PACRG: variants seen among roughly 807,000 people sequenced by gnomAD.
PACRG encodes the protein parkin coregulated, also known as parkin coregulated gene protein.
PACRG carries 29 observed loss-of-function variants against 29.7 expected under a neutral mutation model. That is an observed-to-expected ratio of 0.98 (90% CI 0.73 to 1.33). The LOEUF (loss-of-function observed/expected upper bound fraction) is 1.33. PACRG is among the 40% of genes most tolerant of loss of function. PACRG has a pLI of 0.00. For missense variants in PACRG, 279 were observed against 316.2 expected, an observed-to-expected ratio of 0.88 and a Z score of 0.89; for synonymous variants, 116 against 118.7, an observed-to-expected ratio of 0.98 and a Z score of 0.15.
At chr6:163,299,336 G>A (rs1163318983) in intron 4 of PACRG, among the ~76,000 whole-genome samples, 4 of 152,324 alleles carry the variant, frequency 2.6e-5, no homozygotes, top group Admixed American at 2.0e-4. Flanking sequence ...TCACCAAGGC[G>A]AATGCTCCAG....
Position 162,789,489 on chromosome 6 carries a change from T to C in PACRG, c.157-24658T>C, listed in dbSNP as rs1213986953. Among the ~76,000 whole-genome samples the C allele has an allele frequency of 2.6e-5, 4 of 152,270 alleles. No homozygotes were observed. In the East Asian group the frequency reaches 7.7e-4, roughly 29 times the overall value. On this transcript the variant is annotated intron_variant, in intron 1 of 4. Coordinates refer to ENST00000366888, the MANE Select transcript of PACRG (RefSeq NM_001080379.2). ...AGGCAAAAATCAAAGAAGGTTACTA[T>C]AAAAATCCACAATCATGTTAACTTT...
intron 4 of PACRG, among the ~76,000 whole-genome samples, chr6:163,219,756 C>T (rs972565704): frequency 6.6e-6 from 1 of 152,044 alleles, no homozygotes; most frequent in Non-Finnish European, 1.5e-5. Flanking sequence ...CTGCCTCCCT[C>T]CCTCCTACCA....
chr6:163,285,812 G>A (rs1030849363), intron 4 of PACRG, among the ~76,000 whole-genome samples: 2 of 152,174 alleles, frequency 1.3e-5, no homozygotes, highest in Admixed American at 1.3e-4. Flanking sequence ...ACAGCATCTA[G>A]CAAAGAACAT....
chr6:162,899,138 C>A (rs1454088043), intron 2 of PACRG, among the ~76,000 whole-genome samples: 1 of 152,166 alleles, frequency 6.6e-6, no homozygotes, highest in African/African-American at 2.4e-5. Context: ...CTAGATACTT[C>A]TTTTTGTGTG....
chr6:163,273,955 T>C (rs1783935738), intron 4 of PACRG, among the ~76,000 whole-genome samples: 1 of 152,224 alleles, frequency 6.6e-6, no homozygotes, highest in South Asian at 2.1e-4. Context: ...AATGCATTTT[T>C]CTCTGAGCAT....
At chr6:163,061,083 G>A (rs986422089) in intron 2 of PACRG, among the ~76,000 whole-genome samples, 2 of 151,936 alleles carry the variant, frequency 1.3e-5, no homozygotes, top group African/African-American at 4.8e-5. Context: ...GGTCTTGATG[G>A]GCTCCTCACT....
At chr6:163,169,121 A>G (rs1220575280) in intron 4 of PACRG, among the ~76,000 whole-genome samples, 1 of 152,240 alleles carries the variant, frequency 6.6e-6, no homozygotes, top group Non-Finnish European at 1.5e-5. Context: ...AGCAAATATC[A>G]TGAAAAGCTC....
At chr6:162,898,456 A>G (rs1795324717) in intron 2 of PACRG, among the ~76,000 whole-genome samples, 2 of 152,218 alleles carry the variant, frequency 1.3e-5, no homozygotes, top group African/African-American at 2.4e-5. Flanking sequence ...ATATTTTAGT[A>G]AAGGAAAAAT....
chr6:162,770,630 T>G (rs1257345558), intron 1 of PACRG, among the ~76,000 whole-genome samples: 1 of 152,290 alleles, frequency 6.6e-6, no homozygotes, highest in Admixed American at 6.5e-5. Context: ...TGTTTGATTA[T>G]TGTTATATAC....
chr6:163,135,539 A>G (rs540043003), intron 4 of PACRG, among the ~76,000 whole-genome samples: 28 of 152,274 alleles, frequency 1.8e-4, no homozygotes, highest in Admixed American at 2.0e-4. Flanking sequence ...ATATACCCCA[A>G]TTTATCCATT....
At chr6:162,796,809 C>T (rs1785419822) in intron 1 of PACRG, among the ~76,000 whole-genome samples, 1 of 151,992 alleles carries the variant, frequency 6.6e-6, no homozygotes, top group Admixed American at 6.5e-5. Flanking sequence ...TCTGTACTAT[C>T]ATCCTGAAGC....
chr6:163,062,054 G>T, intron 2 of PACRG, 96 bp from the exon 3 acceptor site: 1 of 1,230,014 alleles, frequency 8.1e-7, no homozygotes, highest in Non-Finnish European at 1.2e-6. Context: ...TCTAAAGAGC[G>T]TGCCCCTCTG....
intron 2 of PACRG, among the ~76,000 whole-genome samples, chr6:162,830,514 T>C (rs1788669513): frequency 1.3e-5 from 2 of 152,204 alleles, no homozygotes; most frequent in Admixed American, 6.5e-5. Context: ...TTGGCACCCA[T>C]TCTCATCCCC....
intron 4 of PACRG, among the ~76,000 whole-genome samples, chr6:163,263,732 C>T (rs1265246220): frequency 1.3e-5 from 2 of 152,090 alleles, no homozygotes; most frequent in Non-Finnish European, 2.9e-5. Context: ...GTTATTAGTA[C>T]ATTATGAATG....
intron 4 of PACRG, among the ~76,000 whole-genome samples, chr6:163,109,982 A>G (rs912640927): frequency 2.6e-5 from 4 of 152,228 alleles, no homozygotes; most frequent in Non-Finnish European, 4.4e-5. Flanking sequence ...TGAGATTTCT[A>G]GAGCTTGACC....
intron 4 of PACRG, among the ~76,000 whole-genome samples, chr6:163,273,746 CACT>C (rs1266172463): frequency 2.0e-5 from 3 of 151,916 alleles, no homozygotes; most frequent in African/African-American, 7.3e-5. Flanking sequence ...TCATATATTT[CACT>C]ACATTTTTGT....
intron 1 of PACRG, among the ~76,000 whole-genome samples, chr6:162,766,259 TTC>T (rs1448846750): frequency 2.0e-5 from 3 of 152,150 alleles, no homozygotes; most frequent in Non-Finnish European, 4.4e-5. Flanking sequence ...TACTCTCTAG[TTC>T]TATGAGCTTG....
intron 2 of PACRG, among the ~76,000 whole-genome samples, chr6:162,895,104 C>A (rs113284634): frequency 2.9e-4 from 42 of 144,574 alleles, no homozygotes; most frequent in African/African-American, 1.0e-3. Flanking sequence ...TCTACCCCCC[C>A]GCCCCCAAAA....
chr6:163,301,315 C>G (rs1182979295), intron 4 of PACRG, among the ~76,000 whole-genome samples: 2 of 152,198 alleles, frequency 1.3e-5, no homozygotes, highest in East Asian at 1.9e-4. Context: ...AGAAGAAGAG[C>G]CAGTCTTTTC....
Sources: gnomAD v4.1 joint callset for allele counts (sites outside exome capture counted in the v4.1 genomes callset) on GRCh38, gnomAD v4.1.1 for gene constraint, MANE v1.5 for transcripts, NCBI Gene and HGNC (gene_info 2026-07-23, HGNC 2026-07-21) for gene names.